CATSPERG: variants seen among roughly 807,000 people sequenced by gnomAD.
CATSPERG encodes cation channel sperm-associated auxiliary subunit gamma.
In CATSPERG, 115 loss-of-function variants were observed where a neutral mutation model predicts 145.0. That is an observed-to-expected ratio of 0.79 (90% CI 0.68 to 0.93). The LOEUF (loss-of-function observed/expected upper bound fraction) is 0.93, where lower values mean the gene tolerates loss of function less well. Ranked by LOEUF, CATSPERG falls within the 40% of genes least tolerant of loss-of-function variation. CATSPERG has a pLI of 0.00. For missense variants in CATSPERG, 1,296 were observed against 1,490.1 expected (o/e 0.87, Z 2.14); for synonymous variants, 588 against 589.0 (o/e 1.00, Z 0.02).
chr19:38,347,757 A>C (rs911144611), intron 7 of CATSPERG, among the ~76,000 whole-genome samples: 2 of 152,132 alleles, frequency 1.3e-5, no homozygotes, highest in African/African-American at 4.8e-5. Flanking sequence ...CCTAGGCAAC[A>C]TGGTGAAACC....
chr19:38,360,390 T>C, intron 14 of CATSPERG, 99 bp from the exon 15 acceptor site: 2 of 1,533,562 alleles, frequency 1.3e-6, no homozygotes, highest in Non-Finnish European at 1.7e-6. Context: ...CCAAACTTCA[T>C]CCCTCAAACA....
In CATSPERG at chr19:38,359,456, C is replaced by T; in HGVS notation, c.1497-14C>T. On this transcript the variant is annotated splice_polypyrimidine_tract_variant and intron_variant, in intron 13 of 28. Transcript: ENST00000409235. ...GTCCAGCATGCGCCTAGCTCTCCAT[C>T]TCTGTCCCTGCAGCTCTAACAAGGA... The T allele has an allele frequency of 9.5e-6, 15 of 1,583,736 alleles. No individual in the cohort carries two copies. Among genetic ancestry groups the T allele is most frequent in the Non-Finnish European group, 1.3e-5 (15 of 1,152,552 alleles).
chr19:38,364,305 G>T (rs972314973), intron 20 of CATSPERG, among the ~76,000 whole-genome samples: 6 of 151,922 alleles, frequency 3.9e-5, no homozygotes, highest in Non-Finnish European at 7.4e-5. Context: ...GGGCAGAGAC[G>T]CTCCTCACCT....
chr19:38,362,156 G>A (rs1970358828), intron 17 of CATSPERG, 54 bp from the exon 18 acceptor site: 5 of 1,542,526 alleles, frequency 3.2e-6, no homozygotes, highest in Non-Finnish European at 4.4e-6. Context: ...CCGCTTGCCT[G>A]GAGGCTCTCG....
Position 38,358,347 on chromosome 19 carries a change from C to A in CATSPERG, c.1366+19C>A, listed in dbSNP as rs750459731. The A allele has an allele frequency of 2.5e-6, 4 of 1,614,038 alleles. No individual in the cohort carries two copies. Among genetic ancestry groups the A allele is most frequent in the Non-Finnish European group, 3.4e-6 (4 of 1,180,006 alleles). On this transcript the variant is annotated intron_variant, in intron 12 of 28. Coordinates refer to ENST00000409235, the MANE Select transcript of CATSPERG (RefSeq NM_021185.5). ...CCTGAAGGTAGGAAGGGAAGGCAGA[C>A]GTGGCCTCAGGGTGGCTGTGGGCCA...
chr19:38,359,990 A>G (rs1007532989), intron 14 of CATSPERG: 2 of 1,032,518 alleles, frequency 1.9e-6, no homozygotes, highest in Non-Finnish European at 1.2e-6. Flanking sequence ...CATGGGGGAG[A>G]CCACATGGAG....
chr19:38,369,953 C>T lies in CATSPERG; in HGVS notation c.3021-19C>T. The T allele has an allele frequency of 6.2e-7, 1 of 1,613,038 alleles. No homozygotes were observed. The highest frequency in any genetic ancestry group is 8.5e-7 in the Non-Finnish European group (1 of 1,178,954). On this transcript the variant is annotated intron_variant, in intron 26 of 28. Transcript: ENST00000409235. ...CTAGGCATGGTTGGTAGCACAACTG[C>T]CTGATCTTTGGCTTGCAGGTGGCTC...
intron 7 of CATSPERG, 29 bp from the exon 8 acceptor site, chr19:38,352,232 G>C (rs1450536180): frequency 6.5e-7 from 1 of 1,548,924 alleles, no homozygotes; most frequent in Non-Finnish European, 8.7e-7. Flanking sequence ...AAGGCCACCT[G>C]CTCACCACTA....
At chr19:38,343,901 G>A (rs1969980263) in intron 4 of CATSPERG, 92 bp from the exon 5 acceptor site, 2 of 1,482,488 alleles carry the variant, frequency 1.3e-6, no homozygotes, top group Admixed American at 2.0e-5. Flanking sequence ...AGGCAGGTAT[G>A]GGGAGTTGTG....
chr19:38,351,279 G>C (rs1970134184), intron 7 of CATSPERG, among the ~76,000 whole-genome samples: 1 of 151,176 alleles, frequency 6.6e-6, no homozygotes, highest in Admixed American at 6.6e-5. Context: ...GGGCAATGTA[G>C]CAAGACTCCC....
rs371425966 is a variant in CATSPERG at position 38,370,355 on chromosome 19, A to T, written c.3213+97A>T. The T allele has an allele frequency of 2.8e-5, 39 of 1,410,536 alleles. No homozygotes were observed. In the African/African-American group the frequency reaches 5.0e-4, roughly 18 times the overall value. The allele number at this position is 1,410,536 out of a possible 1,614,324, so 87.4% of individuals were successfully genotyped here. A position where few individuals can be genotyped will look rare whatever the true frequency, so the allele number is the denominator to read the frequency against. ...CCTTCGCTCATTCATTCCTTTATTC[A>T]CTCATCTAGCCATGCTGACTGAACG... On this transcript the variant is annotated intron_variant, in intron 28 of 28. Transcript: ENST00000409235.
At chr19:38,369,734 GA>G in intron 26 of CATSPERG, 1 of 567,972 alleles carries the variant, frequency 1.8e-6, no homozygotes, top group African/African-American at 1.9e-5. Context: ...GATGCACAGT[GA>G]CAGAGGAATT....
rs959198374 is a variant in CATSPERG, at chr19:38,361,879, G to A, written c.2094+18G>A. 2.5e-6 allele frequency: 4 copies of A among 1,589,224 alleles called. No homozygotes were observed. Among genetic ancestry groups the A allele is most frequent in the Non-Finnish European group, 3.4e-6 (4 of 1,168,240 alleles). On this transcript the variant is annotated intron_variant, in intron 17 of 28. Transcript: ENST00000409235. ...ACGACAAGGTGGGCGTCCGGCGGCG[G>A]GCGGGCAGGCCTGAGACGGGACTGG... is the stretch of plus-strand genomic sequence containing the variant.
Position 38,367,137 on chromosome 19 carries a change from CT to C in CATSPERG, c.2614-13del, listed in dbSNP as rs756970155. On this transcript the variant is annotated intron_variant, in intron 22 of 28. Coordinates refer to ENST00000409235, the MANE Select transcript of CATSPERG (RefSeq NM_021185.5). ...GGAGACCCTGGCCACCCCTGTGAGC[CT>C]TTTTTCCTCCCACCGAGGGCAACCT... The C allele has an allele frequency of 1.2e-6, 2 of 1,606,148 alleles. No homozygotes were observed. Among genetic ancestry groups the C allele is most frequent in the South Asian group, 1.1e-5 (1 of 90,000 alleles).
chr19:38,364,880 TTCA>T lies in CATSPERG; in HGVS notation c.2476-10_2476-8del. On this transcript the variant is annotated splice_region_variant and splice_polypyrimidine_tract_variant and intron_variant, in intron 20 of 28. Transcript: ENST00000409235. The stretch of plus-strand genomic sequence containing the variant: ...CCCTTCATTTCTGCCTCTCCCCTCC[TTCA>T]ACCCCAGATTACGCTCAAGGATAAA... 6.2e-7 allele frequency: 1 copy of T among 1,611,152 alleles called. No homozygotes were observed. Among genetic ancestry groups the T allele is most frequent in the Non-Finnish European group, 8.5e-7 (1 of 1,177,250 alleles).
rs1969879282 is a variant in CATSPERG at position 38,338,321 on chromosome 19, TG to T, written c.324+676del. On this transcript the variant is annotated intron_variant, in intron 3 of 28. Transcript: ENST00000409235. ...CTGCCACCACGCCCGGCTAATTTTT[TG>T]TATTTTTAGTAGAGATGGGGTTTCA... is the stretch of plus-strand genomic sequence containing the variant. Among the ~76,000 whole-genome samples, 6 of 152,092 alleles carry T rather than the reference TG, an allele frequency of 3.9e-5. No homozygotes were observed. In the South Asian group the frequency reaches 1.2e-3, roughly 32 times the overall value.
chr19:38,349,961 G>A (rs930901300), intron 7 of CATSPERG, among the ~76,000 whole-genome samples: 5 of 152,050 alleles, frequency 3.3e-5, no homozygotes, highest in African/African-American at 4.8e-5. Flanking sequence ...CACCGCACCC[G>A]GCCGTTGCTC....
In CATSPERG at chr19:38,362,839, C is replaced by T. The variant is rs1429319002; in HGVS notation, c.2475+7C>T. 1 of 1,526,542 alleles carries T rather than the reference C, an allele frequency of 6.6e-7. No individual in the cohort carries two copies. Among genetic ancestry groups the T allele is most frequent in the Non-Finnish European group, 9.1e-7 (1 of 1,102,230 alleles). The allele number at this position is 1,526,542 out of a possible 1,614,324, so 94.6% of individuals were successfully genotyped here. The stretch of plus-strand genomic sequence containing the variant: ...CAACTCGGTGCTATTTTCGGTGAGG[C>T]CCCCCGGGGAGTTGGGATCAAGGGA... On this transcript the variant is annotated splice_region_variant and intron_variant, in intron 20 of 28. Transcript: ENST00000409235.
intron 7 of CATSPERG, among the ~76,000 whole-genome samples, chr19:38,350,250 G>C (rs1267583848): frequency 1.3e-5 from 2 of 152,196 alleles, no homozygotes; most frequent in African/African-American, 4.8e-5. Flanking sequence ...ATGGATTTGA[G>C]AGCTTTACTA....
Sources: allele counts gnomAD v4.1 joint callset (sites outside exome capture counted in the v4.1 genomes callset), GRCh38; gene constraint gnomAD v4.1.1; transcripts MANE v1.5; gene names NCBI Gene and HGNC (gene_info 2026-07-23, HGNC 2026-07-21).